The following STK39 variants were observed in gnomAD, a reference collection of about 807,000 sequenced individuals.
The protein encoded by STK39 is serine/threonine kinase 39, also known as STE20/SPS1-related proline-alanine-rich protein kinase.
Under a neutral mutation model 77.8 loss-of-function variants are expected in STK39, and 20 were observed. That is an observed-to-expected ratio of 0.26 (90% confidence interval 0.18 to 0.37). The LOEUF is 0.37. Ranked by LOEUF, STK39 falls within the 10% of genes least tolerant of loss-of-function variation. The pLI, the probability that STK39 is intolerant of heterozygous loss-of-function variation, is 1.00. For synonymous variants in STK39, 246 were observed against 234.1 expected (o/e 1.05, Z -0.47); for missense variants, 479 against 656.5 (o/e 0.73, Z 2.95).
Position 168,121,902 on chromosome 2 carries a change from C to T in STK39, c.1089+7639G>A, listed in dbSNP as rs186136778. On this transcript the variant is annotated intron_variant, in intron 10 of 17. Coordinates refer to ENST00000355999, the MANE Select transcript of STK39 (RefSeq NM_013233.3). ...ACAGGTTAGGCTCAGAGAGATTAGGCAGCTCACCCAACAAAAGATACAGAT... is the reference window on the plus strand; with the variant it reads ...ACAGGTTAGGCTCAGAGAGATTAGGTAGCTCACCCAACAAAAGATACAGAT... 9.8e-4 allele frequency among the ~76,000 whole-genome samples: 149 copies of T among 152,304 alleles called. 3 individuals are homozygous for T. Among genetic ancestry groups the T allele is most frequent in the East Asian group, 4.4e-3 (23 of 5,188 alleles).
At chr2:168,221,784 C>T (rs564385962) in intron 1 of STK39, among the ~76,000 whole-genome samples, 13 of 152,174 alleles carry the variant, frequency 8.5e-5, no homozygotes, top group Admixed American at 4.6e-4. Flanking sequence ...GATGTAGCAA[C>T]GCTGGCACTC....
At chr2:167,998,117 A>G (rs1559050255) in intron 16 of STK39, among the ~76,000 whole-genome samples, 1 of 152,252 alleles carries the variant, frequency 6.6e-6, no homozygotes, top group Non-Finnish European at 1.5e-5. Flanking sequence ...GGTTAAAAAA[A>G]AATAAAGGAA....
chr2:168,014,490 A>T (rs901430216), intron 15 of STK39, among the ~76,000 whole-genome samples: 6 of 147,496 alleles, frequency 4.1e-5, no homozygotes, highest in African/African-American at 1.6e-4. Flanking sequence ...AGAAAAAAAT[A>T]AAAAAAAAAC....
chr2:168,204,699 T>C (rs1469599561), intron 1 of STK39, among the ~76,000 whole-genome samples: 1 of 152,212 alleles, frequency 6.6e-6, no homozygotes, highest in African/African-American at 2.4e-5. Flanking sequence ...AAGATTTTCC[T>C]TGTCCCCATG....
chr2:168,092,788 A>G (rs1486149772), intron 10 of STK39, among the ~76,000 whole-genome samples: 2 of 152,158 alleles, frequency 1.3e-5, no homozygotes, highest in East Asian at 1.9e-4. Context: ...CCTAATCCCA[A>G]TAAGAGTCCA....
chr2:168,175,004 G>A (rs1187243384), intron 2 of STK39, among the ~76,000 whole-genome samples: 1 of 152,054 alleles, frequency 6.6e-6, no homozygotes, highest in Non-Finnish European at 1.5e-5. Context: ...TCTTCTTTTT[G>A]TGGTATCGCC....
chr2:168,039,004 T>C (rs1224234630), intron 14 of STK39, among the ~76,000 whole-genome samples: 3 of 152,114 alleles, frequency 2.0e-5, no homozygotes, highest in Admixed American at 6.6e-5. Flanking sequence ...AACACACACC[T>C]ACCACCTAAC....
chr2:168,228,453 T>C (rs1392577592), intron 1 of STK39, among the ~76,000 whole-genome samples: 2 of 152,186 alleles, frequency 1.3e-5, no homozygotes, highest in Non-Finnish European at 2.9e-5. Context: ...GTTGTATAAA[T>C]TTTCTACAAT....
At chr2:168,123,904 AG>A (rs1224824451) in intron 10 of STK39, among the ~76,000 whole-genome samples, 2 of 151,768 alleles carry the variant, frequency 1.3e-5, no homozygotes, top group Non-Finnish European at 2.9e-5. Flanking sequence ...AAAAACAAAC[AG>A]GACAAGTTCT....
intron 5 of STK39, among the ~76,000 whole-genome samples, chr2:168,151,996 C>G (rs1688300096): frequency 6.6e-6 from 1 of 152,190 alleles, no homozygotes; most frequent in African/African-American, 2.4e-5. Context: ...GTCAGAGCTA[C>G]AGAACCCTTG....
At position 167,958,373 on chromosome 2, in the gene STK39, A is replaced by G. The variant is rs535009307; in HGVS notation, c.1564-2803T>C. 3.9e-5 allele frequency among the ~76,000 whole-genome samples: 6 copies of G among 152,360 alleles called. No homozygotes were observed. The East Asian group carries it at 1.2e-3, about 29-fold the overall frequency. Reference sequence around the variant, plus strand: ...TAAATTAATTATACTATCTTAAATTAAAACTAAAACATTTTAAAAATATTC... The same window carrying G: ...TAAATTAATTATACTATCTTAAATTGAAACTAAAACATTTTAAAAATATTC... On this transcript the variant is annotated intron_variant, in intron 17 of 17. Coordinates refer to ENST00000355999, the MANE Select transcript of STK39 (RefSeq NM_013233.3).
chr2:168,121,181 T>C (rs1300291497), intron 10 of STK39, among the ~76,000 whole-genome samples: 1 of 152,218 alleles, frequency 6.6e-6, no homozygotes, highest in Non-Finnish European at 1.5e-5. Context: ...AGAGCATAGA[T>C]TGAGAATAAG....
intron 14 of STK39, among the ~76,000 whole-genome samples, chr2:168,051,963 T>C (rs1451944872): frequency 3.3e-5 from 5 of 151,644 alleles, no homozygotes; most frequent in African/African-American, 1.2e-4. Context: ...TTCACTCTTC[T>C]TTTAGTGGAA....
At chr2:168,238,772 T>A (rs556874913) in intron 1 of STK39, among the ~76,000 whole-genome samples, 2 of 152,352 alleles carry the variant, frequency 1.3e-5, no homozygotes, top group Non-Finnish European at 2.9e-5. Context: ...AAGTCTGAAA[T>A]GACTTTTTAA....
chr2:168,083,252 A>C (rs1239450869), intron 10 of STK39, among the ~76,000 whole-genome samples: 1 of 149,374 alleles, frequency 6.7e-6, no homozygotes, highest in Non-Finnish European at 1.5e-5. Flanking sequence ...TTTTAAGCTA[A>C]GAAGCTTTTG....
At chr2:168,024,687 T>C (rs929910359) in intron 14 of STK39, among the ~76,000 whole-genome samples, 2 of 152,216 alleles carry the variant, frequency 1.3e-5, no homozygotes, top group Admixed American at 6.5e-5. Flanking sequence ...GGTATTTTGT[T>C]GTATCAGCAC....
At chr2:168,032,593 T>C (rs1684856202) in intron 14 of STK39, among the ~76,000 whole-genome samples, 2 of 152,232 alleles carry the variant, frequency 1.3e-5, no homozygotes, top group Admixed American at 6.5e-5. Context: ...TAATAAAGGA[T>C]GTCAGGCTGG....
chr2:167,969,913 G>A (rs1692283146), intron 16 of STK39, among the ~76,000 whole-genome samples: 1 of 152,134 alleles, frequency 6.6e-6, no homozygotes, highest in Non-Finnish European at 1.5e-5. Context: ...AAACCCATCT[G>A]ATCAGGCCTC....
rs542450647 is a variant in STK39, at chr2:168,080,844, C to T, written c.1090-5613G>A. Among the ~76,000 whole-genome samples, 575 of 152,330 alleles carry T rather than the reference C, an allele frequency of 3.8e-3. 2 individuals are homozygous for T. Among genetic ancestry groups the T allele is most frequent in the Non-Finnish European group, 4.2e-3 (287 of 68,034 alleles). ...TCCAGCTGTGACTGCTCCAGCTTGA[C>T]TCAAAGGAGCCAAGGTACACCTCGG... On this transcript the variant is annotated intron_variant, in intron 10 of 17. Transcript: ENST00000355999.
Sources: allele counts gnomAD v4.1 joint callset (sites outside exome capture counted in the v4.1 genomes callset), GRCh38; gene constraint gnomAD v4.1.1; transcripts MANE v1.5; gene names NCBI Gene and HGNC (gene_info 2026-07-23, HGNC 2026-07-21).